SCAMP1: variants seen among roughly 807,000 people sequenced by gnomAD.
The protein encoded by SCAMP1 is secretory carrier membrane protein 1, also known as secretory carrier-associated membrane protein 1.
Under a neutral mutation model 41.8 loss-of-function variants are expected in SCAMP1, and 15 were observed. The observed-to-expected ratio is 0.36, with a 90% CI of 0.24 to 0.55. SCAMP1 has a LOEUF of 0.55. Ranked by LOEUF, SCAMP1 falls within the 20% of genes least tolerant of loss-of-function variation. The probability of loss-of-function intolerance (pLI) is 0.86; values close to 1 mark genes in which losing one functional copy is unlikely to be tolerated. For synonymous variants in SCAMP1, 135 were observed against 136.8 expected (o/e 0.99, Z 0.09); for missense variants, 341 against 412.6 (o/e 0.83, Z 1.50).
chr5:78,447,790 TTTC>T (rs936656649), intron 6 of SCAMP1, among the ~76,000 whole-genome samples: 12 of 63,654 alleles, frequency 1.9e-4, no homozygotes, highest in East Asian at 9.5e-4. Context: ...CAAAAGAAAC[TTTC>T]TTCTTCTTCT....
At chr5:78,425,046 A>G (rs1025531555) in intron 6 of SCAMP1, among the ~76,000 whole-genome samples, 21 of 152,350 alleles carry the variant, frequency 1.4e-4, no homozygotes, top group Admixed American at 1.2e-3. Context: ...CAAGTTTTGC[A>G]TTATAGATGG....
chr5:78,422,318 G>GT (rs35210440), intron 6 of SCAMP1, among the ~76,000 whole-genome samples: 30 of 147,486 alleles, frequency 2.0e-4, no homozygotes, highest in South Asian at 6.4e-4. Context: ...GGTGCTTATG[G>GT]TTTTTTTTTT....
chr5:78,458,000 T>C (rs10064172), intron 7 of SCAMP1: 56,497 of 152,716 alleles, frequency 0.37, 12,581 homozygotes, highest in Non-Finnish European at 0.5. Context: ...CTCCCTGACC[T>C]CTTGCGCTTC....
Position 78,434,543 on chromosome 5 carries a change from T to TC in SCAMP1, c.632+12584dup, listed in dbSNP as rs1218896590. Among the ~76,000 whole-genome samples, 3 of 111,744 alleles carry TC rather than the reference T, an allele frequency of 2.7e-5. No homozygotes were observed. The East Asian group carries it at 8.7e-4, about 32-fold the overall frequency. The allele number at this position is 111,744 out of a possible 152,430, so 73.3% of individuals were successfully genotyped here. On this transcript the variant is annotated intron_variant, in intron 6 of 8. Transcript: ENST00000621999. Reference sequence around the variant, plus strand: ...TCCTCCCTCTCCTCCCTTCCTTCCTTCTTTCTTCCTTCCTTTTCCTCCTCC... The same window carrying TC: ...TCCTCCCTCTCCTCCCTTCCTTCCTTCCTTTCTTCCTTCCTTTTCCTCCTCC...
chr5:78,410,481 C>G (rs1339479152), intron 2 of SCAMP1, among the ~76,000 whole-genome samples: 1 of 152,132 alleles, frequency 6.6e-6, no homozygotes, highest in Non-Finnish European at 1.5e-5. Context: ...TGATCACATT[C>G]CTTTTTATGG....
intron 2 of SCAMP1, among the ~76,000 whole-genome samples, chr5:78,407,862 G>A (rs370331017): frequency 3.3e-5 from 5 of 151,938 alleles, no homozygotes; most frequent in African/African-American, 1.2e-4. Flanking sequence ...TAAGAAGCTG[G>A]CCAATTCTGA....
chr5:78,444,259 C>T (rs1753000775), intron 6 of SCAMP1, among the ~76,000 whole-genome samples: 1 of 152,124 alleles, frequency 6.6e-6, no homozygotes, highest in Non-Finnish European at 1.5e-5. Flanking sequence ...AAGAAATGCT[C>T]AAGACTGGTT....
Position 78,419,046 on chromosome 5 carries a change from A to T in SCAMP1, c.472+143A>T. On this transcript the variant is annotated intron_variant, in intron 5 of 8. Coordinates refer to ENST00000621999, the MANE Select transcript of SCAMP1 (RefSeq NM_004866.6). ...AATAATCATGATTTCAGAGTGAAAC[A>T]TATCCTATTTAGGTACTTCAGAATT... The T allele has an allele frequency of 4.2e-6, 3 of 720,772 alleles. No individual in the cohort carries two copies. The South Asian group carries it at 5.7e-5, about 14-fold the overall frequency. 44.6% of individuals were successfully genotyped at this position (720,772 alleles called of 1,614,324 possible).
chr5:78,399,725 T>C (rs73132306), intron 2 of SCAMP1, among the ~76,000 whole-genome samples: 5,613 of 152,292 alleles, frequency 0.037, 376 homozygotes, highest in African/African-American at 0.13. Flanking sequence ...GATGAGAATA[T>C]TTTCTCCCAG....
At chr5:78,448,830 C>G (rs1753144770) in intron 6 of SCAMP1, among the ~76,000 whole-genome samples, 1 of 151,966 alleles carries the variant, frequency 6.6e-6, no homozygotes, top group Non-Finnish European at 1.5e-5. Flanking sequence ...GAGAAACCCC[C>G]TCTCTACTAA....
At chr5:78,391,070 C>G (rs1751480247) in intron 2 of SCAMP1, among the ~76,000 whole-genome samples, 1 of 148,500 alleles carries the variant, frequency 6.7e-6, no homozygotes, top group Admixed American at 6.7e-5. Context: ...ACAGACATGG[C>G]AACCATCCGA....
chr5:78,410,076 G>A (rs754445466), intron 2 of SCAMP1, among the ~76,000 whole-genome samples: 2 of 150,964 alleles, frequency 1.3e-5, no homozygotes, highest in African/African-American at 2.4e-5. Context: ...GACAATATAT[G>A]TGAGAATTAT....
At chr5:78,428,633 CAAAAAAT>C (rs1048965937) in intron 6 of SCAMP1, among the ~76,000 whole-genome samples, 2 of 151,744 alleles carry the variant, frequency 1.3e-5, no homozygotes, top group South Asian at 2.1e-4. Flanking sequence ...CCTGTTTCTA[CAAAAAAT>C]AAAAAATAAA....
intron 7 of SCAMP1, among the ~76,000 whole-genome samples, chr5:78,453,372 A>G (rs1217937539): frequency 6.7e-6 from 1 of 149,864 alleles, no homozygotes; most frequent in African/African-American, 2.5e-5. Flanking sequence ...ATAAGGTGTA[A>G]GGAAGGGATC....
intron 2 of SCAMP1, among the ~76,000 whole-genome samples, chr5:78,394,318 C>A (rs531175667): frequency 3.9e-5 from 6 of 152,172 alleles, no homozygotes; most frequent in Non-Finnish European, 7.4e-5. Flanking sequence ...AACCATATAA[C>A]CTCTTCGAAA....
At chr5:78,471,028 T>C (rs893439281) in intron 8 of SCAMP1, among the ~76,000 whole-genome samples, 2 of 152,302 alleles carry the variant, frequency 1.3e-5, no homozygotes. Flanking sequence ...GTAGTAATAA[T>C]AATTATTCAG....
At chr5:78,454,370 T>A (rs1362947890) in intron 7 of SCAMP1, among the ~76,000 whole-genome samples, 7 of 152,194 alleles carry the variant, frequency 4.6e-5, no homozygotes, top group Non-Finnish European at 7.3e-5. Context: ...AATACCTAAT[T>A]TATTGAGAGT....
At chr5:78,415,684 A>G in intron 3 of SCAMP1, 66 bp downstream of exon 3, 1 of 994,768 alleles carries the variant, frequency 1.0e-6, no homozygotes, top group Non-Finnish European at 1.5e-6. Flanking sequence ...TTGCTTTCAG[A>G]GCAAAATAAA....
At position 78,479,477 on chromosome 5, in the gene SCAMP1, A is replaced by G. The variant is rs901182669; in HGVS notation, c.*3809A>G. ...ACAGAAAGTGAAGTATTTTGGCTAGAATTTTAGGGCATATTTTATAAAGCA... is the reference window on the plus strand; with the variant it reads ...ACAGAAAGTGAAGTATTTTGGCTAGGATTTTAGGGCATATTTTATAAAGCA... On this transcript the variant is annotated 3_prime_UTR_variant, in exon 9 of 9. Coordinates refer to ENST00000621999, the MANE Select transcript of SCAMP1 (RefSeq NM_004866.6). 6.6e-6 allele frequency among the ~76,000 whole-genome samples: 1 copy of G among 152,170 alleles called. No individual in the cohort carries two copies. Among genetic ancestry groups the G allele is most frequent in the Non-Finnish European group, 1.5e-5 (1 of 68,028 alleles).
Sources: allele counts gnomAD v4.1 joint callset (sites outside exome capture counted in the v4.1 genomes callset), GRCh38; gene constraint gnomAD v4.1.1; transcripts MANE v1.5; gene names NCBI Gene and HGNC (gene_info 2026-07-23, HGNC 2026-07-21).